The following SCCPDH variants were observed in gnomAD, a reference collection of about 807,000 sequenced individuals.
SCCPDH encodes the protein saccharopine dehydrogenase-like oxidoreductase.
In SCCPDH, 34 loss-of-function variants were observed where a neutral mutation model predicts 51.5. That is an observed-to-expected ratio of 0.66 (90% confidence interval 0.50 to 0.88). SCCPDH has a LOEUF of 0.88. Ranked by LOEUF, SCCPDH falls within the 40% of genes least tolerant of loss-of-function variation. SCCPDH has a pLI of 0.00. For missense variants in SCCPDH, 464 were observed against 527.1 expected (o/e 0.88, Z 1.17); for synonymous variants, 187 against 191.3 (o/e 0.98, Z 0.19).
chr1:246,743,742 T>C (rs1237415152), intron 4 of SCCPDH, among the ~76,000 whole-genome samples: 1 of 152,152 alleles, frequency 6.6e-6, no homozygotes, highest in African/African-American at 2.4e-5. Flanking sequence ...TTGGGGGAGA[T>C]TCTTACTGTC....
chr1:246,737,233 T>TG (rs1553272898), intron 3 of SCCPDH, among the ~76,000 whole-genome samples: 1 of 143,000 alleles, frequency 7.0e-6, no homozygotes. Flanking sequence ...GGAAACAAAT[T>TG]AAAAAAAAAA....
intron 9 of SCCPDH, among the ~76,000 whole-genome samples, chr1:246,762,703 T>C (rs2102991140): frequency 6.6e-6 from 1 of 152,134 alleles, no homozygotes; most frequent in East Asian, 1.9e-4. Flanking sequence ...TAGCTGGACA[T>C]GGTGGTGCAC....
chr1:246,747,753 C>T (rs904892947), intron 5 of SCCPDH, among the ~76,000 whole-genome samples: 5 of 151,886 alleles, frequency 3.3e-5, no homozygotes, highest in African/African-American at 9.7e-5. Flanking sequence ...AGCAGGGGTA[C>T]GAGGAAGGAC....
At chr1:246,733,854 T>C (rs574470791) in intron 2 of SCCPDH, among the ~76,000 whole-genome samples, 23 of 152,342 alleles carry the variant, frequency 1.5e-4, no homozygotes, top group Admixed American at 3.3e-4. Flanking sequence ...GTGTGACTCA[T>C]GCTACATGTC....
chr1:246,746,455 A>C (rs1238652188), intron 5 of SCCPDH, among the ~76,000 whole-genome samples: 1 of 152,168 alleles, frequency 6.6e-6, no homozygotes. Context: ...CTGCCTGTGG[A>C]TTTCATTTCT....
intron 2 of SCCPDH, among the ~76,000 whole-genome samples, chr1:246,735,627 G>C (rs974110409): frequency 5.9e-5 from 9 of 152,216 alleles, no homozygotes; most frequent in African/African-American, 2.2e-4. Flanking sequence ...CACCTTCCAG[G>C]TTCAAACCAT....
intron 4 of SCCPDH, among the ~76,000 whole-genome samples, chr1:246,741,821 C>G (rs1668682208): frequency 6.6e-6 from 1 of 152,158 alleles, no homozygotes; most frequent in Non-Finnish European, 1.5e-5. Context: ...AATCCCAGCA[C>G]TTTGGGAGGC....
chr1:246,763,655 C>T (rs148706616), intron 9 of SCCPDH, among the ~76,000 whole-genome samples: 6 of 152,256 alleles, frequency 3.9e-5, no homozygotes, highest in African/African-American at 9.6e-5. Context: ...CTCTCTCCCC[C>T]CCTTTCCTCC....
chr1:246,751,795 A>T (rs1279119253), intron 5 of SCCPDH, among the ~76,000 whole-genome samples: 46 of 136,686 alleles, frequency 3.4e-4, no homozygotes, highest in African/African-American at 1.2e-3. Context: ...TTTTTTTGAG[A>T]TGGAGTCTCG....
At chr1:246,748,720 C>T (rs1308152405) in intron 5 of SCCPDH, among the ~76,000 whole-genome samples, 3 of 152,130 alleles carry the variant, frequency 2.0e-5, no homozygotes, top group Non-Finnish European at 2.9e-5. Context: ...ACTCCAGTAG[C>T]GTTTATATAA....
At chr1:246,735,913 G>A in intron 2 of SCCPDH, 62 bp from the exon 3 acceptor site, 1 of 1,028,104 alleles carries the variant, frequency 9.7e-7, no homozygotes, top group Non-Finnish European at 1.5e-6. Context: ...GGATTAGATG[G>A]CATTTTATTC....
At chr1:246,744,312 TA>T (rs1304800944) in intron 5 of SCCPDH, among the ~76,000 whole-genome samples, 187 bp downstream of exon 5, 2 of 151,874 alleles carry the variant, frequency 1.3e-5, no homozygotes, top group African/African-American at 2.4e-5. Context: ...TATTTTATTT[TA>T]TTTTATTTAT....
chr1:246,724,683 G>A, intron 1 of SCCPDH, 71 bp downstream of exon 1: 1 of 1,342,658 alleles, frequency 7.4e-7, no homozygotes, highest in East Asian at 3.0e-5. Flanking sequence ...CCAAACGAGC[G>A]TTTCTCCCGC....
chr1:246,760,025 T>G lies in SCCPDH; in HGVS notation c.882T>G (p.Leu294=), dbSNP rs1172628056. The change falls in exon 8 of 12, where the codon CTT becomes CTG. Residue 294 remains leucine, a synonymous_variant. Transcript: ENST00000366510. The stretch of plus-strand genomic sequence containing the variant: ...TTATTAAGCTGATGTTTGCAGGACT[T>G]TTCTTTTTGTTCTTTGTGAGGTTTG... ...TSVIKLMFAG[L]FFLFFVRFGI... is the part of the protein sequence containing the mutation. The G allele has an allele frequency of 6.8e-6, 11 of 1,613,824 alleles. No individual in the cohort carries two copies. The highest frequency in any genetic ancestry group is 8.5e-6 in the Non-Finnish European group (10 of 1,179,820).
intron 9 of SCCPDH, among the ~76,000 whole-genome samples, chr1:246,762,459 A>G (rs1482265097): frequency 6.6e-6 from 1 of 152,190 alleles, no homozygotes; most frequent in African/African-American, 2.4e-5. Context: ...AGATCTTTCT[A>G]AGACACAAAA....
At chr1:246,742,169 G>A (rs1668691529) in intron 4 of SCCPDH, among the ~76,000 whole-genome samples, 1 of 152,220 alleles carries the variant, frequency 6.6e-6, no homozygotes, top group Middle Eastern at 3.2e-3. Flanking sequence ...ATTAAAAAGT[G>A]AAATGTGAAT....
intron 5 of SCCPDH, among the ~76,000 whole-genome samples, chr1:246,754,670 G>A (rs1668903875): frequency 6.6e-6 from 1 of 152,216 alleles, no homozygotes; most frequent in South Asian, 2.1e-4. Context: ...CCGTGTGAGA[G>A]GGTCGTGATC....
intron 3 of SCCPDH, among the ~76,000 whole-genome samples, chr1:246,737,821 G>A (rs1668620148): frequency 6.6e-6 from 1 of 152,032 alleles, no homozygotes; most frequent in Admixed American, 6.6e-5. Flanking sequence ...TGAACTCCTG[G>A]CCTCAAGTGA....
intron 2 of SCCPDH, among the ~76,000 whole-genome samples, chr1:246,732,844 A>T (rs1234707174): frequency 2.6e-5 from 4 of 152,198 alleles, no homozygotes; most frequent in Non-Finnish European, 5.9e-5. Flanking sequence ...GTTGTTATTC[A>T]TCACCATTCT....
Sources: gnomAD v4.1 joint callset for allele counts (sites outside exome capture counted in the v4.1 genomes callset) on GRCh38, gnomAD v4.1.1 for gene constraint, MANE v1.5 for transcripts, NCBI Gene and HGNC (gene_info 2026-07-23, HGNC 2026-07-21) for gene names.